Variants in LPP observed in about 807,000 individuals in gnomAD.
The protein encoded by LPP is LIM domain containing preferred translocation partner in lipoma.
In LPP, 38 loss-of-function variants were observed where a neutral mutation model predicts 60.4. The ratio of observed to expected loss-of-function variants is 0.63; its 90% CI spans 0.49 to 0.83. The LOEUF (loss-of-function observed/expected upper bound fraction) is 0.83. LPP is among the 40% of genes least tolerant of loss of function. LPP has a pLI of 0.00. For missense variants in LPP, 902 were observed against 783.6 expected (o/e 1.15, Z -1.80); for synonymous variants, 328 against 290.8 (o/e 1.13, Z -1.30).
intron 4 of LPP, among the ~76,000 whole-genome samples, chr3:188,413,778 G>A (rs1274549415): frequency 6.6e-6 from 1 of 152,100 alleles, no homozygotes; most frequent in African/African-American, 2.4e-5. Flanking sequence ...ATGCAGCCCT[G>A]GCTTGATGGT....
intron 5 of LPP, among the ~76,000 whole-genome samples, chr3:188,509,840 G>A (rs1347682531): frequency 2.1e-5 from 3 of 145,266 alleles, no homozygotes; most frequent in Admixed American, 1.4e-4. Flanking sequence ...TTACAGTTGT[G>A]TGCCACCATG....
chr3:188,369,833 T>A (rs947116179), intron 3 of LPP, among the ~76,000 whole-genome samples: 5 of 152,180 alleles, frequency 3.3e-5, no homozygotes, highest in Non-Finnish European at 4.4e-5. Flanking sequence ...TGTAAAAGAA[T>A]CACAGACTCA....
chr3:188,566,370 C>T (rs1209228891), intron 6 of LPP, among the ~76,000 whole-genome samples: 1 of 151,848 alleles, frequency 6.6e-6, no homozygotes, highest in Non-Finnish European at 1.5e-5. Context: ...TGAAAATGAA[C>T]ATTGATGGGA....
chr3:188,808,514 C>G lies in LPP; in HGVS notation c.1410+48232C>G, dbSNP rs796434006. Among the ~76,000 whole-genome samples, 3 of 152,074 alleles carry G rather than the reference C, an allele frequency of 2.0e-5. No individual in the cohort carries two copies. The South Asian group carries it at 6.2e-4, about 31-fold the overall frequency. ...GGTGCCCTAAGAGCCACAAGACTCA[C>G]TGTTATTTTCCTGGGGCTGAAGACC... On this transcript the variant is annotated intron_variant, in intron 9 of 11. Transcript: ENST00000617246.
chr3:188,508,246 A>C (rs542809707), intron 5 of LPP, among the ~76,000 whole-genome samples: 30 of 152,312 alleles, frequency 2.0e-4, no homozygotes, highest in African/African-American at 6.7e-4. Flanking sequence ...GACTTTCTTC[A>C]GGGAGAATAC....
intron 2 of LPP, among the ~76,000 whole-genome samples, chr3:188,288,601 C>T (rs1000695959): frequency 6.6e-6 from 1 of 151,618 alleles, no homozygotes; most frequent in African/African-American, 2.4e-5. Context: ...CACATACACA[C>T]AGATCTGTGT....
chr3:188,687,934 C>T (rs889328858), intron 7 of LPP, among the ~76,000 whole-genome samples: 4 of 152,096 alleles, frequency 2.6e-5, no homozygotes, highest in African/African-American at 7.2e-5. Context: ...ATCACCATGC[C>T]TGGCTAATTT....
intron 7 of LPP, among the ~76,000 whole-genome samples, chr3:188,616,105 T>G (rs1214867915): frequency 6.6e-6 from 1 of 152,176 alleles, no homozygotes; most frequent in East Asian, 1.9e-4. Flanking sequence ...ATTTGTCAAT[T>G]TTGGCTTTTG....
At chr3:188,765,799 C>T (rs1488937179) in intron 9 of LPP, among the ~76,000 whole-genome samples, 1 of 150,054 alleles carries the variant, frequency 6.7e-6, no homozygotes, top group African/African-American at 2.5e-5. Flanking sequence ...GCCTCAGCCT[C>T]GCAAGTAGCT....
intron 2 of LPP, among the ~76,000 whole-genome samples, chr3:188,252,367 C>T (rs57613745): frequency 0.59 from 82,742 of 139,358 alleles, 24,571 homozygotes; most frequent in Middle Eastern, 0.67. Flanking sequence ...TTTTTTTTTC[C>T]TCTCTCTCTC....
chr3:188,862,716 A>T (rs1408139722), intron 9 of LPP, among the ~76,000 whole-genome samples: 3 of 104,766 alleles, frequency 2.9e-5, no homozygotes, highest in Admixed American at 1.2e-4. Flanking sequence ...ACTAGACAAA[A>T]AAATAAATAA....
chr3:188,753,967 T>C (rs1729201722), intron 8 of LPP, among the ~76,000 whole-genome samples: 2 of 152,324 alleles, frequency 1.3e-5, no homozygotes, highest in South Asian at 2.1e-4. Flanking sequence ...TGATAAAAAC[T>C]CTTGTATTCA....
intron 9 of LPP, among the ~76,000 whole-genome samples, chr3:188,855,356 A>G (rs1763580774): frequency 1.3e-5 from 2 of 152,240 alleles, no homozygotes; most frequent in African/African-American, 4.8e-5. Flanking sequence ...AGTGTCTTGA[A>G]CAAACTAGTG....
At chr3:188,302,266 A>G (rs1039954329) in intron 2 of LPP, among the ~76,000 whole-genome samples, 2 of 152,332 alleles carry the variant, frequency 1.3e-5, no homozygotes, top group African/African-American at 4.8e-5. Flanking sequence ...TGATTTGCCT[A>G]AGTTTACATG....
At chr3:188,571,965 C>G (rs1166310359) in intron 6 of LPP, among the ~76,000 whole-genome samples, 1 of 151,986 alleles carries the variant, frequency 6.6e-6, no homozygotes, top group African/African-American at 2.4e-5. Context: ...ATTGTCTGTA[C>G]TTGTACATCA....
chr3:188,246,156 A>G (rs897069380), intron 2 of LPP, among the ~76,000 whole-genome samples: 2 of 152,084 alleles, frequency 1.3e-5, no homozygotes, highest in African/African-American at 2.4e-5. Flanking sequence ...TATCTGTAAA[A>G]TGAGGTTATT....
intron 2 of LPP, among the ~76,000 whole-genome samples, chr3:188,265,886 T>TGTGTGG (rs1206936937): frequency 6.6e-6 from 1 of 151,430 alleles, no homozygotes; most frequent in Non-Finnish European, 1.5e-5. Context: ...TGTGTGTGTG[T>TGTGTGG]GTGTGTGTGT....
At chr3:188,596,072 G>A (rs1452831797) in intron 6 of LPP, among the ~76,000 whole-genome samples, 3 of 152,186 alleles carry the variant, frequency 2.0e-5, no homozygotes, top group East Asian at 1.9e-4. Flanking sequence ...TATTTCTTCC[G>A]ATAGACATGG....
At chr3:188,832,113 T>C (rs2151605040) in intron 9 of LPP, among the ~76,000 whole-genome samples, 1 of 152,294 alleles carries the variant, frequency 6.6e-6, no homozygotes. Context: ...TACCTCTCCT[T>C]GAGTGCAGGT....
Sources: allele counts gnomAD v4.1 joint callset (sites outside exome capture counted in the v4.1 genomes callset), GRCh38; gene constraint gnomAD v4.1.1; transcripts MANE v1.5; gene names NCBI Gene and HGNC (gene_info 2026-07-23, HGNC 2026-07-21).